Variants in CFAP47 observed in about 807,000 individuals in gnomAD.
CFAP47 encodes the protein cilia- and flagella-associated protein 47.
A neutral mutation model predicts 148.1 loss-of-function variants in CFAP47; 29 were observed. The ratio of observed to expected loss-of-function variants is 0.20; its 90% CI spans 0.15 to 0.27. The LOEUF (loss-of-function observed/expected upper bound fraction) is 0.27, where lower values mean the gene tolerates loss of function less well. Among genes scored for constraint, CFAP47 ranks in the 10% least tolerant of loss-of-function variants. CFAP47 has a pLI of 1.00. For synonymous variants in CFAP47, 664 were observed against 577.3 expected (o/e 1.15, Z -2.15); for missense variants, 1,872 against 1,697.5 (o/e 1.10, Z -1.81).
intron 28 of CFAP47, among the ~76,000 whole-genome samples, 169 bp downstream of exon 28, chrX:36,072,140 G>A (rs1472886784): frequency 1.8e-5 from 2 of 111,818 alleles, no homozygotes; most frequent in Non-Finnish European, 3.8e-5. Context: ...TTGTCTTCAA[G>A]GGTCAATAGT....
At chrX:36,225,045 G>C (rs895561454) in intron 45 of CFAP47, among the ~76,000 whole-genome samples, 1 of 111,321 alleles carries the variant, frequency 9.0e-6, no homozygotes, top group Non-Finnish European at 1.9e-5. Flanking sequence ...ATTTTCTTCA[G>C]TAATTGTAAT....
intron 31 of CFAP47, 68 bp from the exon 32 acceptor site, chrX:36,099,681 GAA>G: frequency 2.2e-6 from 1 of 450,610 alleles, no homozygotes; most frequent in Non-Finnish European, 3.7e-6. Context: ...CACATGTTTT[GAA>G]AAAAAAAACT....
chrX:36,119,645 T>C (rs1938704109), intron 33 of CFAP47, among the ~76,000 whole-genome samples: 1 of 111,833 alleles, frequency 8.9e-6, no homozygotes, highest in African/African-American at 3.3e-5. Flanking sequence ...ATATTAGTTC[T>C]TTAAGTGTTT....
rs781799182 is a variant in CFAP47, at chrX:36,258,651, G to A, written c.7444+7207G>A. On this transcript the variant is annotated intron_variant, in intron 49 of 63. Transcript: ENST00000378653. The stretch of plus-strand genomic sequence containing the variant: ...AAATGCAGCTTTTTAAAAATGAAAG[G>A]CCACCATCGACATATAATTATTTTT... Among the ~76,000 whole-genome samples the A allele has an allele frequency of 6.3e-5, 7 of 111,541 alleles. 1 individual carries two copies. The South Asian group carries it at 2.6e-3, about 42-fold the overall frequency.
chrX:36,249,349 A>ATT (rs1940662734), intron 48 of CFAP47, among the ~76,000 whole-genome samples: 1 of 111,331 alleles, frequency 9.0e-6, no homozygotes, highest in Admixed American at 9.6e-5. Flanking sequence ...AGACACCACT[A>ATT]TCTACCTGAA....
chrX:36,317,698 G>A (rs1020148263), intron 56 of CFAP47, among the ~76,000 whole-genome samples: 2 of 110,003 alleles, frequency 1.8e-5, no homozygotes, highest in Admixed American at 9.7e-5. Context: ...GATTACAGGC[G>A]TGAGCCGCCG....
intron 11 of CFAP47, among the ~76,000 whole-genome samples, chrX:35,971,224 A>T (rs1449627868): frequency 1.8e-5 from 2 of 111,839 alleles, no homozygotes; most frequent in Non-Finnish European, 3.8e-5. Context: ...CAGAATAGGG[A>T]AGGAGTGAGA....
chrX:35,974,857 A>G (rs1445466879), intron 13 of CFAP47, among the ~76,000 whole-genome samples: 1 of 110,933 alleles, frequency 9.0e-6, no homozygotes, highest in Non-Finnish European at 1.9e-5. Flanking sequence ...AAGTGTTGCA[A>G]ATTAAGGTGC....
intron 15 of CFAP47, among the ~76,000 whole-genome samples, chrX:35,980,111 G>GTCC (rs752370005): frequency 1.8e-5 from 2 of 112,115 alleles, no homozygotes; most frequent in South Asian, 7.4e-4. Flanking sequence ...GATGTCTCCA[G>GTCC]TAAGGAAGGA....
chrX:36,012,496 T>C (rs1937050219), intron 21 of CFAP47, among the ~76,000 whole-genome samples: 2 of 111,595 alleles, frequency 1.8e-5, no homozygotes, highest in Admixed American at 1.9e-4. Flanking sequence ...TAAAAAAGGA[T>C]GAGAGCATGC....
chrX:36,224,545 G>C (rs1051649165), intron 45 of CFAP47, among the ~76,000 whole-genome samples: 1 of 111,641 alleles, frequency 9.0e-6, no homozygotes, highest in Non-Finnish European at 1.9e-5. Flanking sequence ...GGATCATTTA[G>C]GAATGGGAAA....
intron 25 of CFAP47, among the ~76,000 whole-genome samples, chrX:36,040,108 G>A (rs1249130399): frequency 9.0e-6 from 1 of 111,528 alleles, no homozygotes; most frequent in African/African-American, 3.3e-5. Flanking sequence ...ATCACCCTCA[G>A]CTGAAAAGCA....
chrX:36,139,973 T>C (rs923352312), intron 35 of CFAP47, among the ~76,000 whole-genome samples: 2 of 111,749 alleles, frequency 1.8e-5, no homozygotes, highest in African/African-American at 3.3e-5. Context: ...AGAGTTCTAA[T>C]AGTAGAATTT....
chrX:35,936,792 C>T (rs1935920604), intron 2 of CFAP47, among the ~76,000 whole-genome samples: 1 of 110,513 alleles, frequency 9.0e-6, no homozygotes, highest in African/African-American at 3.3e-5. Flanking sequence ...ACTACTGCTC[C>T]CACTGTCTTC....
chrX:36,224,212 AG>A (rs1405875389), intron 45 of CFAP47, among the ~76,000 whole-genome samples: 2 of 110,447 alleles, frequency 1.8e-5, no homozygotes, highest in African/African-American at 6.6e-5. Flanking sequence ...AAAAATATAT[AG>A]AGTACATTTA....
chrX:35,925,150 A>T (rs1428468784), intron 1 of CFAP47, among the ~76,000 whole-genome samples: 1 of 111,480 alleles, frequency 9.0e-6, no homozygotes, highest in Non-Finnish European at 1.9e-5. Flanking sequence ...AGACAGGTGG[A>T]TCATGAGGTC....
rs189785062 is a variant in CFAP47, at chrX:36,070,772, G to A, written c.4319-1053G>A. 2.7e-3 allele frequency among the ~76,000 whole-genome samples: 305 copies of A among 111,422 alleles called. 1 individual carries two copies. Among genetic ancestry groups the A allele is most frequent in the African/African-American group, 9.6e-3 (296 of 30,706 alleles). ...CTCCCAAAGTGCTGGGATTATAGGC[G>A]TGAGCCACCTCACCTGGCTGCAAAA... is the stretch of plus-strand genomic sequence containing the variant. On this transcript the variant is annotated intron_variant, in intron 27 of 63. Transcript: ENST00000378653.
chrX:36,126,053 CTTTTG>C (rs1334440367), intron 33 of CFAP47, among the ~76,000 whole-genome samples: 1 of 104,941 alleles, frequency 9.5e-6, no homozygotes, highest in East Asian at 2.9e-4. Flanking sequence ...TTTTTTTTTG[CTTTTG>C]TTTTATTTTT....
At chrX:36,246,016 A>G (rs1388866603) in intron 48 of CFAP47, among the ~76,000 whole-genome samples, 1 of 111,634 alleles carries the variant, frequency 9.0e-6, no homozygotes, top group African/African-American at 3.3e-5. Flanking sequence ...TGGCAAGGAA[A>G]TTATGACTAA....
Sources: gnomAD v4.1 joint callset for allele counts (sites outside exome capture counted in the v4.1 genomes callset) on GRCh38, gnomAD v4.1.1 for gene constraint, MANE v1.5 for transcripts, NCBI Gene and HGNC (gene_info 2026-07-23, HGNC 2026-07-21) for gene names.